Variants in MBOAT1 observed in about 807,000 individuals in gnomAD.
MBOAT1 encodes membrane-bound glycerophospholipid O-acyltransferase 1.
MBOAT1 carries 67 observed loss-of-function variants against 64.4 expected under a neutral mutation model. That is an observed-to-expected ratio of 1.04 (90% confidence interval 0.85 to 1.27). MBOAT1 has a LOEUF of 1.27. MBOAT1 is among the 50% of genes most tolerant of loss of function. The pLI is 0.00. For synonymous variants in MBOAT1, 229 were observed against 218.9 expected (o/e 1.05, Z -0.41); for missense variants, 563 against 604.6 (o/e 0.93, Z 0.72).
At chr6:20,205,889 G>A (rs1763249434) in intron 1 of MBOAT1, among the ~76,000 whole-genome samples, 2 of 151,882 alleles carry the variant, frequency 1.3e-5, no homozygotes, top group Admixed American at 6.6e-5. Flanking sequence ...TCAGGGCTCT[G>A]AGACCCTAGG....
chr6:20,121,733 G>A (rs952962873), intron 8 of MBOAT1, among the ~76,000 whole-genome samples: 6 of 152,074 alleles, frequency 3.9e-5, no homozygotes, highest in Admixed American at 1.3e-4. Context: ...CAGGAGGATA[G>A]GAAGAGAAAA....
Position 20,131,150 on chromosome 6 carries a change from G to T in MBOAT1, c.469C>A (p.His157Asn), listed in dbSNP as rs754662446. 6.2e-7 allele frequency: 1 copy of T among 1,613,706 alleles called. No homozygotes were observed. The highest frequency in any genetic ancestry group is 1.1e-5 in the South Asian group (1 of 91,074). ...QKITTLAFQVHDGLGRRAEDL... is the reference protein window; with the variant it reads ...QKITTLAFQVNDGLGRRAEDL... The stretch of plus-strand genomic sequence containing the variant: ...GGAGGGCTGCTGTTCTTACCATCAT[G>T]AACCTGGAATGCCAAGGTTGTGATC... Residue 157 changes from histidine to asparagine, a missense_variant, in exon 5 of 13, where the codon CAT (histidine) becomes AAT (asparagine). Transcript: ENST00000324607.
chr6:20,211,943 A>G, intron 1 of MBOAT1, 193 bp downstream of exon 1: 1 of 542,016 alleles, frequency 1.8e-6, no homozygotes, highest in Non-Finnish European at 3.2e-6. Context: ...AAGGAGAAAA[A>G]CACTAACACC....
At chr6:20,130,102 T>A (rs970101416) in intron 5 of MBOAT1, among the ~76,000 whole-genome samples, 3 of 151,880 alleles carry the variant, frequency 2.0e-5, no homozygotes, top group Non-Finnish European at 2.9e-5. Context: ...TCTCAACATT[T>A]AAAAAAAAGT....
In MBOAT1 at chr6:20,124,306, T is replaced by C. The variant is rs532637117; in HGVS notation, c.907+102A>G. 11 of 1,203,768 alleles carry C rather than the reference T, an allele frequency of 9.1e-6. No homozygotes were observed. The African/African-American group carries it at 1.4e-4, about 15-fold the overall frequency. The allele number at this position is 1,203,768 out of a possible 1,614,324, so 74.6% of individuals were successfully genotyped here. A position where few individuals can be genotyped will look rare whatever the true frequency, so the allele number is the denominator to read the frequency against. ...TGACTCAACTGCCTCCCATTACGTG[T>C]TGAGCTTCTTTGATGAAGTGATCCA... On this transcript the variant is annotated intron_variant, in intron 8 of 12. Coordinates refer to ENST00000324607, the MANE Select transcript of MBOAT1 (RefSeq NM_001080480.3).
At chr6:20,201,024 A>G (rs1184962370) in intron 1 of MBOAT1, among the ~76,000 whole-genome samples, 1 of 152,202 alleles carries the variant, frequency 6.6e-6, no homozygotes, top group Non-Finnish European at 1.5e-5. Context: ...TCATCTCAAA[A>G]GCAGTTTAGA....
chr6:20,138,021 A>G (rs999790479), intron 4 of MBOAT1, among the ~76,000 whole-genome samples: 1 of 152,230 alleles, frequency 6.6e-6, no homozygotes, highest in African/African-American at 2.4e-5. Context: ...TGTAATGAGA[A>G]TAAACACTGG....
intron 1 of MBOAT1, among the ~76,000 whole-genome samples, chr6:20,209,414 G>A (rs967239137): frequency 6.6e-6 from 1 of 152,138 alleles, no homozygotes; most frequent in South Asian, 2.1e-4. Flanking sequence ...AGGATGCCAC[G>A]AAGTTAACAG....
At chr6:20,117,585 G>C (rs1006751130) in intron 9 of MBOAT1, among the ~76,000 whole-genome samples, 2 of 152,220 alleles carry the variant, frequency 1.3e-5, no homozygotes, top group African/African-American at 4.8e-5. Context: ...TTCTGGCCTA[G>C]TTTCCACCCA....
chr6:20,150,516 A>C (rs1447409734), intron 3 of MBOAT1, among the ~76,000 whole-genome samples: 1 of 150,600 alleles, frequency 6.6e-6, no homozygotes, highest in East Asian at 1.9e-4. Flanking sequence ...AGATTTATCC[A>C]CGACATTGAG....
chr6:20,138,154 G>C (rs1034500759), intron 4 of MBOAT1, among the ~76,000 whole-genome samples: 9 of 152,260 alleles, frequency 5.9e-5, no homozygotes, highest in African/African-American at 1.7e-4. Flanking sequence ...TAGTGAGGCA[G>C]CCTGCCTTTA....
At chr6:20,141,060 G>C (rs1761155606) in intron 4 of MBOAT1, among the ~76,000 whole-genome samples, 1 of 152,118 alleles carries the variant, frequency 6.6e-6, no homozygotes, top group Admixed American at 6.5e-5. Flanking sequence ...AGGGAGTGGG[G>C]GGAGGGAGGG....
chr6:20,204,692 G>T (rs1039903134), intron 1 of MBOAT1, among the ~76,000 whole-genome samples: 4 of 152,124 alleles, frequency 2.6e-5, no homozygotes, highest in African/African-American at 9.7e-5. Flanking sequence ...TGCAGAGGCT[G>T]GAGGGTATGA....
intron 1 of MBOAT1, among the ~76,000 whole-genome samples, chr6:20,200,820 C>T (rs149572896): frequency 2.0e-5 from 3 of 152,222 alleles, no homozygotes; most frequent in Admixed American, 1.3e-4. Flanking sequence ...GGTGACCGGT[C>T]CCCCACCAGG....
At chr6:20,162,526 T>G (rs1211802617) in intron 1 of MBOAT1, among the ~76,000 whole-genome samples, 1 of 152,254 alleles carries the variant, frequency 6.6e-6, no homozygotes, top group Non-Finnish European at 1.5e-5. Flanking sequence ...CATACAAGTT[T>G]TGAAGCAATA....
At chr6:20,121,464 G>A (rs911276991) in intron 8 of MBOAT1, among the ~76,000 whole-genome samples, 1 of 152,210 alleles carries the variant, frequency 6.6e-6, no homozygotes, top group Non-Finnish European at 1.5e-5. Context: ...GAAGCATGGG[G>A]GGGAGTAAAA....
chr6:20,106,861 T>C (rs1759973796), intron 12 of MBOAT1, among the ~76,000 whole-genome samples: 1 of 152,226 alleles, frequency 6.6e-6, no homozygotes, highest in South Asian at 2.1e-4. Context: ...TCCTGTTTCA[T>C]CCTAAACAAA....
Position 20,124,509 on chromosome 6 carries a change from T to C in MBOAT1, c.806A>G (p.Asp269Gly), listed in dbSNP as rs1369417834. Reference protein sequence around the residue: ...TKTFPVTCLVDDWFVHKASFP... With the variant: ...TKTFPVTCLVGDWFVHKASFP... ...GCTTGCTTTATGGACAAACCAGTCA[T>C]CCACAAGGCAGGTGACAGGAAAGGT... The change falls in exon 8 of 13, where the codon GAT becomes GGT. Residue 269 changes from aspartate (D) to glycine (G), a missense_variant. Asp to Gly is a moderately conservative substitution (Grantham distance 94, BLOSUM62 -1). Transcript: ENST00000324607. 2.5e-6 allele frequency: 4 copies of C among 1,614,114 alleles called. No homozygotes were observed. Among genetic ancestry groups the C allele is most frequent in the Non-Finnish European group, 3.4e-6 (4 of 1,180,022 alleles).
At chr6:20,108,633 T>G (rs1399665747) in intron 12 of MBOAT1, among the ~76,000 whole-genome samples, 1 of 152,224 alleles carries the variant, frequency 6.6e-6, no homozygotes, top group Admixed American at 6.5e-5. Flanking sequence ...AGAAGGTGTG[T>G]TTGCACTGTT....
Sources: allele counts gnomAD v4.1 joint callset (sites outside exome capture counted in the v4.1 genomes callset), GRCh38; gene constraint gnomAD v4.1.1; transcripts MANE v1.5; gene names NCBI Gene and HGNC (gene_info 2026-07-23, HGNC 2026-07-21).